ARHGAP10: variants seen among roughly 807,000 people sequenced by gnomAD.
The protein encoded by ARHGAP10 is Rho GTPase activating protein 10.
ARHGAP10 carries 87 observed loss-of-function variants against 108.6 expected under a neutral mutation model. The observed-to-expected ratio is 0.80, with a 90% CI of 0.67 to 0.96. The LOEUF is 0.96. Ranked by LOEUF, ARHGAP10 falls within the 40% of genes least tolerant of loss-of-function variation. The pLI is 0.00. For synonymous variants in ARHGAP10, 347 were observed against 341.1 expected, an observed-to-expected ratio of 1.02 and a Z score of -0.19; for missense variants, 939 against 954.5, an observed-to-expected ratio of 0.98 and a Z score of 0.21.
intron 1 of ARHGAP10, among the ~76,000 whole-genome samples, chr4:147,773,022 T>C (rs1452862302): frequency 6.6e-6 from 1 of 152,216 alleles, no homozygotes; most frequent in Non-Finnish European, 1.5e-5. Context: ...CAGAGTTCAG[T>C]GGTAAAAAGA....
At chr4:147,771,829 G>C (rs1020510994) in intron 1 of ARHGAP10, among the ~76,000 whole-genome samples, 1 of 152,014 alleles carries the variant, frequency 6.6e-6, no homozygotes, top group Non-Finnish European at 1.5e-5. Flanking sequence ...GTCTTGCCTT[G>C]TCACCAGGCT....
At chr4:147,959,091 A>G (rs893778298) in intron 16 of ARHGAP10, among the ~76,000 whole-genome samples, 1 of 152,142 alleles carries the variant, frequency 6.6e-6, no homozygotes, top group African/African-American at 2.4e-5. Context: ...ACTTTAGATG[A>G]TTTATCTTCA....
intron 18 of ARHGAP10, among the ~76,000 whole-genome samples, chr4:147,979,234 A>G (rs1354403289): frequency 6.6e-6 from 1 of 152,136 alleles, no homozygotes; most frequent in Non-Finnish European, 1.5e-5. Flanking sequence ...ATTGTATATG[A>G]TGAGAGGTAG....
In ARHGAP10 at chr4:147,875,159, C is replaced by T; in HGVS notation, c.832+9C>T. Reference sequence around the variant, plus strand: ...GTATGTCCAGGAAAAAAGTAAGAGGCCCTCCAGCAGTGGCTGCGTGGCTGC... The same window carrying T: ...GTATGTCCAGGAAAAAAGTAAGAGGTCCTCCAGCAGTGGCTGCGTGGCTGC... On this transcript the variant is annotated intron_variant, in intron 8 of 22. Transcript: ENST00000336498. The T allele has an allele frequency of 6.4e-7, 1 of 1,566,814 alleles. No homozygotes were observed. Among genetic ancestry groups the T allele is most frequent in the Non-Finnish European group, 8.6e-7 (1 of 1,164,494 alleles).
At chr4:147,900,259 A>G (rs1233334885) in intron 10 of ARHGAP10, among the ~76,000 whole-genome samples, 1 of 151,792 alleles carries the variant, frequency 6.6e-6, no homozygotes, top group Non-Finnish European at 1.5e-5. Flanking sequence ...TTGTATTTGT[A>G]TTTTTTTTCT....
At chr4:147,907,521 T>C (rs978443192) in intron 11 of ARHGAP10, among the ~76,000 whole-genome samples, 4 of 151,760 alleles carry the variant, frequency 2.6e-5, no homozygotes, top group African/African-American at 9.7e-5. Context: ...AAGAGAATGG[T>C]TTGAAAGTAG....
At chr4:147,832,413 C>A (rs961212129) in intron 3 of ARHGAP10, among the ~76,000 whole-genome samples, 3 of 151,204 alleles carry the variant, frequency 2.0e-5, no homozygotes, top group African/African-American at 7.3e-5. Context: ...CTTTGGGAGG[C>A]CGAGGTGGGT....
At chr4:147,957,343 T>TG (rs1738822560) in intron 16 of ARHGAP10, among the ~76,000 whole-genome samples, 1 of 152,208 alleles carries the variant, frequency 6.6e-6, no homozygotes, top group Non-Finnish European at 1.5e-5. Flanking sequence ...CTGCACTCAT[T>TG]GCCTCTTTTA....
intron 18 of ARHGAP10, among the ~76,000 whole-genome samples, chr4:148,002,980 T>C (rs1174810990): frequency 6.6e-6 from 1 of 152,230 alleles, no homozygotes; most frequent in Non-Finnish European, 1.5e-5. Flanking sequence ...TTGCTCTTGC[T>C]TCTCTAGTTC....
intron 3 of ARHGAP10, among the ~76,000 whole-genome samples, chr4:147,836,287 A>G (rs1328605750): frequency 6.6e-6 from 1 of 152,144 alleles, no homozygotes; most frequent in East Asian, 1.9e-4. Context: ...TATTCAGGGA[A>G]TTAAATCAGA....
intron 10 of ARHGAP10, among the ~76,000 whole-genome samples, chr4:147,906,386 G>C (rs773309590): frequency 2.0e-5 from 3 of 152,184 alleles, no homozygotes; most frequent in Non-Finnish European, 4.4e-5. Context: ...TTGTTCAACA[G>C]GTACAGAGTT....
In ARHGAP10 at chr4:147,732,256, G is replaced by C. The variant is rs1281645036; in HGVS notation, c.-46G>C. 1.9e-6 allele frequency: 3 copies of C among 1,555,194 alleles called. No individual in the cohort carries two copies. Among genetic ancestry groups the C allele is most frequent in the Non-Finnish European group, 1.7e-6 (2 of 1,155,602 alleles). ...GGCAGCGGCCTCGGAGCTCGGCTCG[G>C]GCAGGAGCGCGCGGCCGTGCGCACC... is the stretch of plus-strand genomic sequence containing the variant. On this transcript the variant is annotated 5_prime_UTR_variant, in exon 1 of 23. Transcript: ENST00000336498.
intron 1 of ARHGAP10, among the ~76,000 whole-genome samples, chr4:147,738,964 C>G (rs1728542335): frequency 6.6e-6 from 1 of 151,824 alleles, no homozygotes; most frequent in Non-Finnish European, 1.5e-5. Flanking sequence ...GGGTGGATCA[C>G]TTGAGGTTAG....
chr4:148,045,580 A>T (rs1256677983), intron 19 of ARHGAP10, among the ~76,000 whole-genome samples: 1 of 151,772 alleles, frequency 6.6e-6, no homozygotes, highest in Non-Finnish European at 1.5e-5. Context: ...CGCTACTAAA[A>T]ATACAAAATT....
chr4:147,781,181 A>G (rs1579035548), intron 1 of ARHGAP10, among the ~76,000 whole-genome samples: 1 of 151,760 alleles, frequency 6.6e-6, no homozygotes, highest in Admixed American at 6.6e-5. Flanking sequence ...ACATGGTGAA[A>G]CCCCGTCTCT....
chr4:147,920,571 T>C (rs1470781858), intron 13 of ARHGAP10, among the ~76,000 whole-genome samples: 1 of 152,200 alleles, frequency 6.6e-6, no homozygotes, highest in African/African-American at 2.4e-5. Context: ...TTAACCAGTA[T>C]TTATTAGCAT....
chr4:147,732,438 T>C lies in ARHGAP10; in HGVS notation c.137T>C (p.Leu46Pro). The part of the protein sequence containing the change: ...IKELIKDGKN[L>P]IAATKSLSVA... ...GAGCTCATTAAGGACGGGAAGAACCTCATCGCTGCGACGAAAAGTAAGCGG... is the reference window on the plus strand; with the variant it reads ...GAGCTCATTAAGGACGGGAAGAACCCCATCGCTGCGACGAAAAGTAAGCGG... The change falls in exon 1 of 23, where the codon CTC (leucine) becomes CCC (proline). Residue 46 changes from leucine to proline, a missense_variant. Coordinates refer to ENST00000336498, the MANE Select transcript of ARHGAP10 (RefSeq NM_024605.4). The C allele has an allele frequency of 6.2e-7, 1 of 1,611,938 alleles. No homozygotes were observed. The highest frequency in any genetic ancestry group is 8.5e-7 in the Non-Finnish European group (1 of 1,178,968).
intron 1 of ARHGAP10, among the ~76,000 whole-genome samples, chr4:147,773,792 A>C (rs1175707261): frequency 6.6e-6 from 1 of 152,246 alleles, no homozygotes; most frequent in African/African-American, 2.4e-5. Flanking sequence ...GAGTCAATAC[A>C]TTAAGAACCT....
chr4:147,849,879 T>C (rs1733788526), intron 4 of ARHGAP10, among the ~76,000 whole-genome samples: 1 of 152,240 alleles, frequency 6.6e-6, no homozygotes, highest in Non-Finnish European at 1.5e-5. Context: ...CATTTTCTTA[T>C]GTGCTTGCTA....
Sources: gnomAD v4.1 joint callset for allele counts (sites outside exome capture counted in the v4.1 genomes callset) on GRCh38, gnomAD v4.1.1 for gene constraint, MANE v1.5 for transcripts, NCBI Gene and HGNC (gene_info 2026-07-23, HGNC 2026-07-21) for gene names.